Variants in MYO7A observed in about 807,000 individuals in gnomAD.
MYO7A encodes unconventional myosin-VIIa.
A neutral mutation model predicts 263.8 loss-of-function variants in MYO7A; 210 were observed. That is an observed-to-expected ratio of 0.80 (90% CI 0.71 to 0.89). The LOEUF (loss-of-function observed/expected upper bound fraction) is 0.89, where lower values mean the gene tolerates loss of function less well. MYO7A is among the 40% of genes least tolerant of loss of function. The pLI is 0.00. For synonymous variants in MYO7A, 1,239 were observed against 1,197.3 expected, an observed-to-expected ratio of 1.03 and a Z score of -0.72; for missense variants, 2,820 against 2,968.3, an observed-to-expected ratio of 0.95 and a Z score of 1.16.
intron 1 of MYO7A, 126 bp from the exon 2 acceptor site, chr11:77,130,463 G>A: frequency 1.5e-6 from 1 of 687,516 alleles, no homozygotes; most frequent in Non-Finnish European, 2.5e-6. Context: ...AGGGAGAGAA[G>A]CCAAGGAGGG....
In MYO7A at chr11:77,182,044, A is replaced by C. The variant is rs558458890; in HGVS notation, c.2998A>C (p.Lys1000Gln). 68 of 1,613,412 alleles carry C rather than the reference A, an allele frequency of 4.2e-5. No homozygotes were observed. In the South Asian group the frequency reaches 7.1e-4, roughly 17 times the overall value. The change falls in exon 24 of 49, where the codon AAA (lysine) becomes CAA (glutamine). Residue 1000 changes from lysine to glutamine, a missense_variant. Lys to Gln is a moderately conservative substitution (Grantham distance 53, BLOSUM62 1). Transcript: ENST00000409709. ...DEDEEDLSEY[K>Q]FAKFAATYFQ... The stretch of plus-strand genomic sequence containing the variant: ...GGATGAGGAGGACCTCTCTGAGTAT[A>C]AATTTGCCAAGTTCGCGGCCACCTA...
chr11:77,175,491 G>C (rs782211061), intron 18 of MYO7A, 27 bp downstream of exon 18: 5 of 1,603,260 alleles, frequency 3.1e-6, no homozygotes, highest in Non-Finnish European at 3.4e-6. Context: ...TCCCTGGGCT[G>C]CCCTGGGGGG....
rs1353598791 is a variant in MYO7A, at chr11:77,208,805, T to C, written c.6051+2T>C. 1 of 1,550,574 alleles carries C rather than the reference T, an allele frequency of 6.4e-7. No homozygotes were observed. Among genetic ancestry groups the C allele is most frequent in the African/African-American group, 1.4e-5 (1 of 73,174 alleles). ...GATTCCATCTTCCACTATTACCAGG[T>C]GGGCACCTCTGCACTCTAGTTGCCT... is the stretch of plus-strand genomic sequence containing the variant. On this transcript the variant is annotated splice_donor_variant, in intron 44 of 48. Coordinates refer to ENST00000409709, the MANE Select transcript of MYO7A (RefSeq NM_000260.4). LOFTEE classifies it high-confidence loss of function.
At chr11:77,135,224 C>T (rs1244021401) in intron 2 of MYO7A, among the ~76,000 whole-genome samples, 1 of 152,214 alleles carries the variant, frequency 6.6e-6, no homozygotes, top group Non-Finnish European at 1.5e-5. Flanking sequence ...ACTCCCCATT[C>T]CCCTCTCCCC....
rs727503330 is a variant in MYO7A at position 77,194,343 on chromosome 11, C to T, written c.4153-11C>T. ...TGGGCCAATGCATGACCGAGGCCTC[C>T]CCCCACCTAGGAGGACGACCTGGCT... On this transcript the variant is annotated splice_polypyrimidine_tract_variant and intron_variant, in intron 31 of 48. Transcript: ENST00000409709. 6.2e-7 allele frequency: 1 copy of T among 1,608,968 alleles called. No homozygotes were observed. Among genetic ancestry groups the T allele is most frequent in the African/African-American group, 1.3e-5 (1 of 74,840 alleles).
chr11:77,207,318 C>G lies in MYO7A; in HGVS notation c.5772C>G (p.Ala1924=). Residue 1924 remains alanine, a synonymous_variant, in exon 42 of 49, where the codon GCC becomes GCG. Transcript: ENST00000409709. ...EAFEVESSTK[A]KDFCQNIATR... ...TCGAAGTGGAGTCCAGCACCAAGGC[C>G]AAGGACTTCTGCCAGAACATCGCCA... The G allele has an allele frequency of 1.2e-6, 2 of 1,612,340 alleles. No individual in the cohort carries two copies. Among genetic ancestry groups the G allele is most frequent in the Non-Finnish European group, 1.7e-6 (2 of 1,179,262 alleles).
Position 77,138,484 on chromosome 11 carries a change from G to A in MYO7A, c.19-4225G>A, listed in dbSNP as rs1254130583. On this transcript the variant is annotated intron_variant, in intron 2 of 48. Coordinates refer to ENST00000409709, the MANE Select transcript of MYO7A (RefSeq NM_000260.4). The surrounding 1 kb of genome is among the most constrained non-coding windows in gnomAD (Gnocchi z 4.9). ...CCTCGCCCCGGGCCTCAGTTTCCCC[G>A]CCTGTTAGAAGCTGGGCGGGCCACA... is the stretch of plus-strand genomic sequence containing the variant. Among the ~76,000 whole-genome samples the A allele has an allele frequency of 6.6e-6, 1 of 152,226 alleles. No homozygotes were observed. The highest frequency in any genetic ancestry group is 1.5e-5 in the Non-Finnish European group (1 of 68,022).
rs1591180378 is a variant in MYO7A, at chr11:77,138,004, G to A, written c.19-4705G>A. ...TGGAAAACATAGAAAAAAACATGAC[G>A]ATTTTTTCCAAAACTGCCGTCAGGT... On this transcript the variant is annotated intron_variant, in intron 2 of 48. Coordinates refer to ENST00000409709, the MANE Select transcript of MYO7A (RefSeq NM_000260.4). This position sits in a 1 kb window ranked among gnomAD's most constrained non-coding sequence, Gnocchi z 4.9. Among the ~76,000 whole-genome samples, 1 of 152,174 alleles carries A rather than the reference G, an allele frequency of 6.6e-6. No homozygotes were observed. Among genetic ancestry groups the A allele is most frequent in the African/African-American group, 2.4e-5 (1 of 41,450 alleles).
intron 42 of MYO7A, among the ~76,000 whole-genome samples, 180 bp from the exon 43 acceptor site, chr11:77,208,250 G>A (rs937665770): frequency 3.9e-5 from 6 of 152,208 alleles, no homozygotes; most frequent in Non-Finnish European, 7.3e-5. Flanking sequence ...CAAGAAGTGG[G>A]CTCTTCCGGG....
chr11:77,173,457 T>A (rs116858861), intron 16 of MYO7A, among the ~76,000 whole-genome samples: 10,572 of 152,270 alleles, frequency 0.069, 508 homozygotes, highest in Middle Eastern at 0.15. Flanking sequence ...GGATGGTCAG[T>A]CCACAGCCTC....
intron 47 of MYO7A, 108 bp from the exon 48 acceptor site, chr11:77,213,752 C>A: frequency 1.3e-6 from 2 of 1,509,070 alleles, no homozygotes; most frequent in East Asian, 2.3e-5. Context: ...CTTTTCCCTC[C>A]GGCCATGGGC....
At chr11:77,192,506 C>T (rs1956167344) in intron 31 of MYO7A, among the ~76,000 whole-genome samples, 1 of 152,068 alleles carries the variant, frequency 6.6e-6, no homozygotes, top group Non-Finnish European at 1.5e-5. Flanking sequence ...TGAATTCCAC[C>T]AGTGGAGGAG....
chr11:77,205,376 T>C (rs1957373896), intron 39 of MYO7A, 86 bp from the exon 40 acceptor site: 1 of 1,434,154 alleles, frequency 7.0e-7, no homozygotes, highest in Non-Finnish European at 9.4e-7. Context: ...AGCTGAGGGG[T>C]ACATGGCCCC....
chr11:77,152,313 C>A (rs1952041791), intron 4 of MYO7A, among the ~76,000 whole-genome samples: 1 of 152,260 alleles, frequency 6.6e-6, no homozygotes, highest in South Asian at 2.1e-4. Flanking sequence ...TTCCCGTCAG[C>A]ATGGCTGGGG....
chr11:77,179,575 C>A (rs925705522), intron 20 of MYO7A, among the ~76,000 whole-genome samples, 160 bp from the exon 21 acceptor site: 7 of 152,232 alleles, frequency 4.6e-5, no homozygotes, highest in African/African-American at 1.7e-4. Flanking sequence ...GGAAACAGAA[C>A]TTTCTAACGA....
At position 77,208,508 on chromosome 11, in the gene MYO7A, A is replaced by G; in HGVS notation, c.5935A>G (p.Ile1979Val). The change falls in exon 43 of 49, where the codon ATC becomes GTC. Residue 1979 changes from isoleucine (I) to valine (V), a missense_variant. Ile to Val is a conservative substitution (Grantham distance 29). Coordinates refer to ENST00000409709, the MANE Select transcript of MYO7A (RefSeq NM_000260.4). ...LTDWIKKARP[I>V]KDGIVPSLTY... ...AGACTGGATAAAGAAAGCTCGGCCC[A>G]TCAAGGACGGTAATGAGGCCGGGTC... is the stretch of plus-strand genomic sequence containing the variant. 6.2e-7 allele frequency: 1 copy of G among 1,613,098 alleles called. No homozygotes were observed. The highest frequency in any genetic ancestry group is 8.5e-7 in the Non-Finnish European group (1 of 1,179,512).
intron 4 of MYO7A, among the ~76,000 whole-genome samples, chr11:77,152,345 G>A (rs1555057634): frequency 1.3e-5 from 2 of 152,214 alleles, no homozygotes; most frequent in East Asian, 1.9e-4. Context: ...CTGCTGACAG[G>A]CCTGTCCCCT....
At chr11:77,163,441 T>A (rs1953214692) in intron 14 of MYO7A, among the ~76,000 whole-genome samples, 1 of 152,238 alleles carries the variant, frequency 6.6e-6, no homozygotes, top group Non-Finnish European at 1.5e-5. Context: ...GTTATACACC[T>A]AGATGGTCCA....
chr11:77,130,639 T>A lies in MYO7A; in HGVS notation c.5T>A (p.Val2Glu). 2 of 1,613,296 alleles carry A rather than the reference T, an allele frequency of 1.2e-6. No individual in the cohort carries two copies. Among genetic ancestry groups the A allele is most frequent in the South Asian group, 1.1e-5 (1 of 90,748 alleles). M[V>E]ILQQGDHVWM... is the part of the protein sequence containing the mutation. ...AGGAGCTCCTGACTTGGGACCATGGTGATTCTTCAGCAGGTCAGTGTTCCC... is the reference window on the plus strand; with the variant it reads ...AGGAGCTCCTGACTTGGGACCATGGAGATTCTTCAGCAGGTCAGTGTTCCC... The change falls in exon 2 of 49, where the codon GTG (valine) becomes GAG (glutamate). Residue 2 changes from valine to glutamate, a missense_variant. Transcript: ENST00000409709.
Sources: allele counts gnomAD v4.1 joint callset (sites outside exome capture counted in the v4.1 genomes callset), GRCh38; gene constraint gnomAD v4.1.1; non-coding constraint Gnocchi (gnomAD v3.1); transcripts MANE v1.5; gene names NCBI Gene and HGNC (gene_info 2026-07-23, HGNC 2026-07-21).